Variants in RMDN1 observed in about 807,000 individuals in gnomAD.
RMDN1 encodes the protein regulator of microtubule dynamics 1, also known as regulator of microtubule dynamics protein 1.
RMDN1 carries 48 observed loss-of-function variants against 48.9 expected under a neutral mutation model. The ratio of observed to expected loss-of-function variants is 0.98; its 90% CI spans 0.78 to 1.25. The LOEUF (loss-of-function observed/expected upper bound fraction) is 1.25, where lower values mean the gene tolerates loss of function less well. Among genes scored for constraint, RMDN1 ranks in the 50% most tolerant of loss-of-function variants. The pLI, the probability that RMDN1 is intolerant of heterozygous loss-of-function variation, is 0.00. For missense variants in RMDN1, 418 were observed against 373.4 expected (o/e 1.12, Z -0.98); for synonymous variants, 148 against 132.6 (o/e 1.12, Z -0.80).
At chr8:86,492,001 C>T (rs1816581727) in intron 2 of RMDN1, among the ~76,000 whole-genome samples, 2 of 152,116 alleles carry the variant, frequency 1.3e-5, no homozygotes, top group African/African-American at 4.8e-5. Flanking sequence ...TTCTTTCATA[C>T]CAATAATACT....
At chr8:86,475,615 CAGAA>C (rs1421668557) in intron 8 of RMDN1, among the ~76,000 whole-genome samples, 4 of 151,626 alleles carry the variant, frequency 2.6e-5, no homozygotes, top group Admixed American at 6.6e-5. Context: ...AAAGCATAAA[CAGAA>C]AGCCTATGAA....
intron 1 of RMDN1, chr8:86,508,279 C>T (rs1456992741): frequency 2.0e-6 from 1 of 502,728 alleles, no homozygotes; most frequent in Non-Finnish European, 3.4e-6. Context: ...TGGGGGCAAA[C>T]CCCACTCCTT....
upstream of RMDN1, among the ~76,000 whole-genome samples, chr8:86,513,370 C>A (rs1347462339): frequency 1.3e-5 from 2 of 151,900 alleles, no homozygotes; most frequent in African/African-American, 2.4e-5. Context: ...AGCGAAACTG[C>A]GTCTCAAAAA....
intron 2 of RMDN1, 31 bp from the exon 3 acceptor site, chr8:86,488,670 A>G: frequency 6.8e-7 from 1 of 1,463,508 alleles, no homozygotes; most frequent in Non-Finnish European, 9.5e-7. Flanking sequence ...AAAAGACACA[A>G]TAAAATAGGT....
chr8:86,495,250 C>T (rs1817150515), intron 2 of RMDN1, among the ~76,000 whole-genome samples: 2 of 152,160 alleles, frequency 1.3e-5, no homozygotes, highest in South Asian at 2.1e-4. Context: ...TCATTCCTGG[C>T]ACCTAGAAGC....
At chr8:86,494,600 T>C (rs1334633063) in intron 2 of RMDN1, among the ~76,000 whole-genome samples, 1 of 151,818 alleles carries the variant, frequency 6.6e-6, no homozygotes, top group Non-Finnish European at 1.5e-5. Flanking sequence ...CAGTGATCAT[T>C]TGACTCCCTC....
chr8:86,501,261 T>C (rs1187409417), intron 2 of RMDN1, among the ~76,000 whole-genome samples: 1 of 152,210 alleles, frequency 6.6e-6, no homozygotes, highest in East Asian at 1.9e-4. Context: ...AAAGTAATTC[T>C]GGTTTTCCCT....
rs1405705068 is a variant in RMDN1 at position 86,503,390 on chromosome 8, C to CAAAAAAAAAAAAACAAAACAAAACA, written c.247+3604_247+3605insTGTTTTGTTTTGTTTTTTTTTTTTT. On this transcript the variant is annotated intron_variant, in intron 2 of 9. Coordinates refer to ENST00000406452, the MANE Select transcript of RMDN1 (RefSeq NM_016033.3). Reference sequence around the variant, plus strand: ...ACAAAACAAAAAAAAAAAAAAAAAACAAAAAAAAATAACAAAAATAACTTG... The same window carrying CAAAAAAAAAAAAACAAAACAAAACA: ...ACAAAACAAAAAAAAAAAAAAAAAACAAAAAAAAAAAAACAAAACAAAACAAAAAAAAAATAACAAAAATAACTTG... Among the ~76,000 whole-genome samples the CAAAAAAAAAAAAACAAAACAAAACA allele has an allele frequency of 5.3e-5, 3 of 56,616 alleles. No individual in the cohort carries two copies. In the East Asian group the frequency reaches 2.6e-3, roughly 48 times the overall value. The allele number at this position is 56,616 out of a possible 152,430, so 37.1% of individuals were successfully genotyped here.
At position 86,482,351 on chromosome 8, in the gene RMDN1, G is replaced by A. The variant is rs940068780; in HGVS notation, c.586-2019C>T. 46 of 343,126 alleles carry A rather than the reference G, an allele frequency of 1.3e-4. 1 individual carries two copies. The highest frequency in any genetic ancestry group is 7.6e-4 in the African/African-American group (35 of 46,334). 21.3% of individuals were successfully genotyped at this position (343,126 alleles called of 1,614,324 possible). On this transcript the variant is annotated intron_variant, in intron 5 of 9. Coordinates refer to ENST00000406452, the MANE Select transcript of RMDN1 (RefSeq NM_016033.3). ...CTGGAAGCAGAGGCTGCAGTAAGCC[G>A]AGATCACACCACTGCACCCCAGCCT...
chr8:86,507,131 T>G lies in RMDN1; in HGVS notation c.130-19A>C, dbSNP rs746766230. On this transcript the variant is annotated intron_variant, in intron 1 of 9. Transcript: ENST00000406452. ...CCATTACCTATGGAAACAATTATGT[T>G]AAGAGTTACAAACTTTGAAAATTTG... 6.8e-7 allele frequency: 1 copy of G among 1,476,766 alleles called. No homozygotes were observed. Among genetic ancestry groups the G allele is most frequent in the East Asian group, 2.3e-5 (1 of 44,328 alleles). 91.5% of individuals were successfully genotyped at this position (1,476,766 alleles called of 1,614,324 possible).
chr8:86,486,370 G>GA lies in RMDN1; in HGVS notation c.495+113dup, dbSNP rs373862538. ...CTTAAGATATAAGATTGAATAAAAA[G>GA]AAAAAAAAACTTAAAATAGAGAAAT... On this transcript the variant is annotated intron_variant, in intron 4 of 9. Coordinates refer to ENST00000406452, the MANE Select transcript of RMDN1 (RefSeq NM_016033.3). 3.6e-3 allele frequency: 2,416 copies of GA among 662,832 alleles called. 2 individuals carry two copies. The highest frequency in any genetic ancestry group is 6.2e-3 in the Middle Eastern group (13 of 2,088). 41.1% of individuals were successfully genotyped at this position (662,832 alleles called of 1,614,324 possible).
intron 2 of RMDN1, among the ~76,000 whole-genome samples, chr8:86,495,812 A>C (rs148062730): frequency 3.7e-4 from 56 of 152,266 alleles, no homozygotes; most frequent in African/African-American, 1.1e-3. Flanking sequence ...GAACCCCTAC[A>C]AGATAGTATA....
intron 2 of RMDN1, among the ~76,000 whole-genome samples, chr8:86,493,742 A>C (rs1816880267): frequency 6.6e-6 from 1 of 152,244 alleles, no homozygotes; most frequent in Admixed American, 6.5e-5. Context: ...TTCAGTGCAC[A>C]CAAACTTTGT....
In RMDN1 at chr8:86,491,098, C is replaced by A. The variant is rs371229903; in HGVS notation, c.248-2459G>T. Among the ~76,000 whole-genome samples, 30 of 151,612 alleles carry A rather than the reference C, an allele frequency of 2.0e-4. 1 individual carries two copies. The South Asian group carries it at 3.1e-3, about 16-fold the overall frequency. ...CTCCAAATTACATAAATACTATAAGCTATAATATAATGGCTTTAAATATAT... is the reference window on the plus strand; with the variant it reads ...CTCCAAATTACATAAATACTATAAGATATAATATAATGGCTTTAAATATAT... On this transcript the variant is annotated intron_variant, in intron 2 of 9. Transcript: ENST00000406452.
rs1352491399 is a variant in RMDN1 at position 86,473,913 on chromosome 8, A to C, written c.*395T>G. The C allele has an allele frequency of 1.0e-6, 1 of 1,002,916 alleles. No individual in the cohort carries two copies. Among genetic ancestry groups the C allele is most frequent in the African/African-American group, 1.7e-5 (1 of 57,504 alleles). The allele number at this position is 1,002,916 out of a possible 1,614,324, so 62.1% of individuals were successfully genotyped here. A position where few individuals can be genotyped will look rare whatever the true frequency, so the allele number is the denominator to read the frequency against. On this transcript the variant is annotated 3_prime_UTR_variant, in exon 10 of 10. Coordinates refer to ENST00000406452, the MANE Select transcript of RMDN1 (RefSeq NM_016033.3). ...ACCACTGTCACCACACCTTCTCTTC[A>C]AGATTTCAACTTAGAATCAATCCAA...
intron 2 of RMDN1, among the ~76,000 whole-genome samples, chr8:86,496,244 T>C (rs1280898017): frequency 6.6e-6 from 1 of 152,124 alleles, no homozygotes; most frequent in South Asian, 2.1e-4. Context: ...TACAATCAAG[T>C]TCACATAATA....
intron 2 of RMDN1, among the ~76,000 whole-genome samples, chr8:86,496,004 C>T (rs963829476): frequency 1.3e-5 from 2 of 151,968 alleles, no homozygotes; most frequent in Non-Finnish European, 2.9e-5. Flanking sequence ...TATTCAACAT[C>T]CTTAAAGAAA....
chr8:86,470,633 A>G (rs913776617), downstream of RMDN1, among the ~76,000 whole-genome samples: 1 of 152,216 alleles, frequency 6.6e-6, no homozygotes, highest in Non-Finnish European at 1.5e-5. Context: ...ATAGCTAAAA[A>G]TCAGGAATAA....
In RMDN1 at chr8:86,472,457, C is replaced by G. The variant is rs976067940; in HGVS notation, c.*1851G>C. 1.0e-5 allele frequency: 7 copies of G among 702,420 alleles called. No individual in the cohort carries two copies. In the East Asian group the frequency reaches 1.3e-4, roughly 13 times the overall value. The allele number at this position is 702,420 out of a possible 1,614,324, so 43.5% of individuals were successfully genotyped here. A position where few individuals can be genotyped will look rare whatever the true frequency, so the allele number is the denominator to read the frequency against. On this transcript the variant is annotated 3_prime_UTR_variant, in exon 10 of 10. Coordinates refer to ENST00000406452, the MANE Select transcript of RMDN1 (RefSeq NM_016033.3). ...TAGAAAGACCCACTTCCTGGCCCTT[C>G]AGCTGCTTCTGTTTCTCTTCACCTA...
Sources: allele counts gnomAD v4.1 joint callset (sites outside exome capture counted in the v4.1 genomes callset), GRCh38; gene constraint gnomAD v4.1.1; transcripts MANE v1.5; gene names NCBI Gene and HGNC (gene_info 2026-07-23, HGNC 2026-07-21).